Variants in DRC8 observed in about 807,000 individuals in gnomAD.
DRC8 encodes the protein dynein regulatory complex protein 8.
chr1:245,011,351 T>C, the DRC8 span, among the ~76,000 whole-genome samples: 1 of 152,214 alleles, frequency 6.6e-6, no homozygotes, highest in African/African-American at 2.4e-5. Flanking sequence ...CACACGGAAG[T>C]ACTTACCAGT....
At chr1:245,027,992 C>T in the DRC8 span, among the ~76,000 whole-genome samples, 2 of 151,888 alleles carry the variant, frequency 1.3e-5, no homozygotes, top group African/African-American at 4.8e-5. Context: ...CCTGGGCTCA[C>T]ACGATCCTCC....
At chr1:245,059,224 A>T in the DRC8 span, among the ~76,000 whole-genome samples, 4 of 152,184 alleles carry the variant, frequency 2.6e-5, no homozygotes, top group Non-Finnish European at 5.9e-5. Flanking sequence ...TGGTTCACTT[A>T]TCCTCCTTTT....
chr1:245,029,777 G>A, the DRC8 span, among the ~76,000 whole-genome samples: 1 of 151,746 alleles, frequency 6.6e-6, no homozygotes, highest in Non-Finnish European at 1.5e-5. Context: ...TGTATTTTTA[G>A]TAGAGATGGG....
At chr1:245,076,927 G>T in the DRC8 span, among the ~76,000 whole-genome samples, 1 of 151,910 alleles carries the variant, frequency 6.6e-6, no homozygotes, top group Non-Finnish European at 1.5e-5. Flanking sequence ...GGGTTTCGCC[G>T]TGTTGGCCAG....
the DRC8 span, among the ~76,000 whole-genome samples, chr1:245,001,931 G>A: frequency 6.6e-6 from 1 of 152,110 alleles, no homozygotes; most frequent in African/African-American, 2.4e-5. Flanking sequence ...GTTCCTTACT[G>A]ACTTACTCTT....
At chr1:245,074,774 G>A in the DRC8 span, among the ~76,000 whole-genome samples, 1 of 152,130 alleles carries the variant, frequency 6.6e-6, no homozygotes, top group African/African-American at 2.4e-5. Flanking sequence ...AACATTTTTG[G>A]TAGATGCCAA....
At chr1:245,107,139 C>G in the DRC8 span, 99,520 of 152,218 alleles carry the variant, frequency 0.65, 33,739 homozygotes, top group South Asian at 0.75. Context: ...CCAAAGAAAC[C>G]CTGCACTTCT....
At chr1:244,980,218 C>CAAAAAAAAAAAAAAAAA in the DRC8 span, among the ~76,000 whole-genome samples, 1 of 64,980 alleles carries the variant, frequency 1.5e-5, no homozygotes, top group African/African-American at 6.4e-5. Flanking sequence ...GACTCCGTCT[C>CAAAAAAAAAAAAAAAAA]AAAAAAAAAA....
the DRC8 span, chr1:245,086,979 A>G: frequency 1.8e-6 from 1 of 551,910 alleles, no homozygotes; most frequent in South Asian, 1.9e-5. Context: ...ATGTCTTCCT[A>G]CTGTTTTGCC....
chr1:245,028,813 T>C, the DRC8 span, among the ~76,000 whole-genome samples: 26 of 152,358 alleles, frequency 1.7e-4, no homozygotes, highest in Middle Eastern at 6.8e-3. Context: ...CTCTAAAATA[T>C]TGGCAACCAG....
At chr1:245,087,760 G>A in the DRC8 span, 2 of 984,910 alleles carry the variant, frequency 2.0e-6, no homozygotes, top group Non-Finnish European at 2.4e-6. Flanking sequence ...TGTAATGAAG[G>A]CTTCTTTTTT....
the DRC8 span, among the ~76,000 whole-genome samples, chr1:245,035,448 C>T: frequency 5.9e-5 from 9 of 152,058 alleles, no homozygotes; most frequent in Non-Finnish European, 8.8e-5. Flanking sequence ...TCAATAAAGG[C>T]GGCAAGACAA....
chr1:245,045,450 C>A, the DRC8 span, among the ~76,000 whole-genome samples: 2 of 152,228 alleles, frequency 1.3e-5, no homozygotes, highest in Non-Finnish European at 2.9e-5. Context: ...TGAAAGTACA[C>A]TCCACAGTGT....
At chr1:245,119,944 A>AG in the DRC8 span, among the ~76,000 whole-genome samples, 6 of 20,282 alleles carry the variant, frequency 3.0e-4, no homozygotes, top group Non-Finnish European at 8.6e-5. Flanking sequence ...AAAAAAAATA[A>AG]AAAATAAGTA....
the DRC8 span, among the ~76,000 whole-genome samples, chr1:245,019,943 C>T: frequency 2.6e-5 from 4 of 152,018 alleles, no homozygotes; most frequent in Admixed American, 6.6e-5. Context: ...CCAGCCTGGG[C>T]GACTAAGTGA....
chr1:245,066,267 A>G, the DRC8 span, among the ~76,000 whole-genome samples: 3 of 152,242 alleles, frequency 2.0e-5, no homozygotes, highest in Admixed American at 6.5e-5. Context: ...TTAACACAGA[A>G]GTTTCATTGA....
At chr1:245,119,938 A>AAAT in the DRC8 span, among the ~76,000 whole-genome samples, 2 of 52,802 alleles carry the variant, frequency 3.8e-5, no homozygotes, top group African/African-American at 8.6e-5. Flanking sequence ...GTCTCAAAAA[A>AAAT]AAATAAAAAA....
At chr1:245,019,441 A>T in the DRC8 span, among the ~76,000 whole-genome samples, 1 of 152,154 alleles carries the variant, frequency 6.6e-6, no homozygotes, top group East Asian at 1.9e-4. Context: ...AGGCTAGATT[A>T]TAGTGGCTTG....
the DRC8 span, chr1:245,087,166 T>C: frequency 5.2e-6 from 8 of 1,547,168 alleles, no homozygotes; most frequent in African/African-American, 8.4e-5. Context: ...TGGGGCTCCA[T>C]GGCTATTAAG....
Sources: allele counts gnomAD v4.1 joint callset (sites outside exome capture counted in the v4.1 genomes callset), GRCh38; gene constraint gnomAD v4.1.1; transcripts MANE v1.5; gene names NCBI Gene and HGNC (gene_info 2026-07-23, HGNC 2026-07-21).